The following PGM5 variants were observed in gnomAD, a reference collection of about 807,000 sequenced individuals.
The protein encoded by PGM5 is phosphoglucomutase 5, also known as phosphoglucomutase-like protein 5.
PGM5 carries 23 observed loss-of-function variants against 59.2 expected under a neutral mutation model. The ratio of observed to expected loss-of-function variants is 0.39; its 90% confidence interval spans 0.28 to 0.55. The LOEUF is 0.55. Ranked by LOEUF, PGM5 falls within the 20% of genes least tolerant of loss-of-function variation. PGM5 has a pLI of 0.66. For missense variants in PGM5, 574 were observed against 748.3 expected (o/e 0.77, Z 2.72); for synonymous variants, 214 against 286.0 (o/e 0.75, Z 2.54).
At chr9:68,414,909 A>G (rs1306671658) in intron 6 of PGM5, among the ~76,000 whole-genome samples, 2 of 146,736 alleles carry the variant, frequency 1.4e-5, no homozygotes, top group Non-Finnish European at 2.9e-5. Flanking sequence ...GGTGTGAGGC[A>G]CAAGTTATTG....
chr9:68,457,566 C>T (rs932044199), intron 6 of PGM5, among the ~76,000 whole-genome samples: 2 of 152,154 alleles, frequency 1.3e-5, no homozygotes, highest in African/African-American at 4.8e-5. Context: ...CTAGATGTGT[C>T]CTTTCCCTCA....
At chr9:68,496,856 A>T (rs1201415014) in intron 9 of PGM5, 2 of 152,228 alleles carry the variant, frequency 1.3e-5, no homozygotes, top group East Asian at 3.8e-4. Context: ...GGCTCATCAG[A>T]AGAGGTAATC....
chr9:68,491,495 C>T (rs1824388357), intron 9 of PGM5, among the ~76,000 whole-genome samples: 1 of 152,188 alleles, frequency 6.6e-6, no homozygotes, highest in African/African-American at 2.4e-5. Context: ...GATTAGGATT[C>T]TCAACTTCAG....
At chr9:68,393,506 G>A (rs1377369404) in intron 6 of PGM5, among the ~76,000 whole-genome samples, 1 of 152,090 alleles carries the variant, frequency 6.6e-6, no homozygotes, top group Non-Finnish European at 1.5e-5. Context: ...AGAGCTTTGA[G>A]TGGCTGAGGT....
intron 6 of PGM5, among the ~76,000 whole-genome samples, chr9:68,415,403 G>A (rs1419085565): frequency 6.8e-6 from 1 of 148,110 alleles, no homozygotes; most frequent in African/African-American, 2.6e-5. Context: ...GGGAATTCAG[G>A]GAAGAGCCTC....
intron 8 of PGM5, among the ~76,000 whole-genome samples, chr9:68,481,194 A>G (rs1824191588): frequency 1.3e-5 from 2 of 152,242 alleles, no homozygotes; most frequent in South Asian, 4.1e-4. Context: ...TTAGATATGT[A>G]TCAGAGAATA....
rs1260166005 is a variant in PGM5 at position 68,475,725 on chromosome 9, G to A, written c.1160-3693G>A. Among the ~76,000 whole-genome samples, 15 of 152,094 alleles carry A rather than the reference G, an allele frequency of 9.9e-5. 1 individual carries two copies. The highest frequency in any genetic ancestry group is 9.2e-4 in the Admixed American group (14 of 15,272). On this transcript the variant is annotated intron_variant, in intron 7 of 10. Coordinates refer to ENST00000396396, the MANE Select transcript of PGM5 (RefSeq NM_021965.4). ...AAAATGAAAAGAATTGAATAAACATGGTTTTCTGTGTTACTAAAGATTCTT... is the reference window on the plus strand; with the variant it reads ...AAAATGAAAAGAATTGAATAAACATAGTTTTCTGTGTTACTAAAGATTCTT...
intron 6 of PGM5, among the ~76,000 whole-genome samples, chr9:68,431,216 C>T (rs951095733): frequency 5.3e-5 from 8 of 152,202 alleles, no homozygotes; most frequent in Admixed American, 2.0e-4. Flanking sequence ...CCATCTGGAG[C>T]CCTTGTTCTC....
At chr9:68,375,877 T>C (rs1821866421) in intron 1 of PGM5, among the ~76,000 whole-genome samples, 1 of 152,196 alleles carries the variant, frequency 6.6e-6, no homozygotes, top group Admixed American at 6.5e-5. Context: ...GCAGGTATGT[T>C]AATATCTGGG....
intron 10 of PGM5, among the ~76,000 whole-genome samples, chr9:68,501,393 A>G (rs1184185776): frequency 6.6e-6 from 1 of 152,246 alleles, no homozygotes; most frequent in Non-Finnish European, 1.5e-5. Flanking sequence ...GGGGAAAGCA[A>G]GAAGATTCTC....
intron 3 of PGM5, among the ~76,000 whole-genome samples, chr9:68,384,839 G>T (rs1488827356): frequency 1.3e-5 from 2 of 149,344 alleles, no homozygotes; most frequent in Non-Finnish European, 3.0e-5. Flanking sequence ...GCCAAAACTT[G>T]TCTAAGCAAT....
chr9:68,372,309 C>T (rs1334804621), intron 1 of PGM5, among the ~76,000 whole-genome samples: 1 of 150,838 alleles, frequency 6.6e-6, no homozygotes, highest in East Asian at 2.0e-4. Context: ...CAGCAGAATA[C>T]ATTCCTTGGC....
intron 6 of PGM5, among the ~76,000 whole-genome samples, chr9:68,406,720 A>ATGTATATG (rs1563996765): frequency 2.6e-5 from 2 of 76,580 alleles, no homozygotes; most frequent in South Asian, 4.6e-4. Context: ...ATATATATAT[A>ATGTATATG]TATATGTATA....
intron 1 of PGM5, among the ~76,000 whole-genome samples, chr9:68,372,843 A>G (rs647899): frequency 0.041 from 6,313 of 152,148 alleles, 204 homozygotes; most frequent in East Asian, 0.12. Context: ...ACAAAAGAGA[A>G]GGTGCCACAT....
intron 10 of PGM5, among the ~76,000 whole-genome samples, chr9:68,526,036 A>G (rs940109389): frequency 6.6e-6 from 1 of 151,594 alleles, no homozygotes; most frequent in African/African-American, 2.4e-5. Context: ...AGCCTGGGCG[A>G]CAGAGTGAGA....
At chr9:68,413,090 A>G (rs1554681736) in intron 6 of PGM5, among the ~76,000 whole-genome samples, 1 of 152,216 alleles carries the variant, frequency 6.6e-6, no homozygotes, top group Non-Finnish European at 1.5e-5. Flanking sequence ...GACAGGTACC[A>G]CAATGGGTCA....
At chr9:68,420,510 A>T (rs974449276) in intron 6 of PGM5, among the ~76,000 whole-genome samples, 1 of 152,242 alleles carries the variant, frequency 6.6e-6, no homozygotes, top group South Asian at 2.1e-4. Context: ...AAATGTGGAA[A>T]TACGGAGGCA....
intron 9 of PGM5, among the ~76,000 whole-genome samples, chr9:68,487,124 G>T (rs1824308355): frequency 6.6e-6 from 1 of 152,146 alleles, no homozygotes; most frequent in Admixed American, 6.5e-5. Flanking sequence ...GAGGCAGGTT[G>T]TTGTGGTTCT....
chr9:68,478,884 A>G (rs1824146519), intron 7 of PGM5, among the ~76,000 whole-genome samples: 1 of 152,190 alleles, frequency 6.6e-6, no homozygotes, highest in South Asian at 2.1e-4. Flanking sequence ...TGGGTCGGGG[A>G]ACCACCAGCC....
Sources: allele counts gnomAD v4.1 joint callset (sites outside exome capture counted in the v4.1 genomes callset), GRCh38; gene constraint gnomAD v4.1.1; transcripts MANE v1.5; gene names NCBI Gene and HGNC (gene_info 2026-07-23, HGNC 2026-07-21).